Variants in GALNTL6 observed in about 807,000 individuals in gnomAD.
GALNTL6 encodes the protein polypeptide N-acetylgalactosaminyltransferase-like 6.
Under a neutral mutation model 73.7 loss-of-function variants are expected in GALNTL6, and 46 were observed. The ratio of observed to expected loss-of-function variants is 0.62; its 90% CI spans 0.49 to 0.80. The LOEUF is 0.80. GALNTL6 is among the 30% of genes least tolerant of loss of function. The pLI, the probability that GALNTL6 is intolerant of heterozygous loss-of-function variation, is 0.00. For missense variants in GALNTL6, 604 were observed against 755.0 expected (o/e 0.80, Z 2.34); for synonymous variants, 259 against 263.7 (o/e 0.98, Z 0.17).
At chr4:172,295,893 C>T (rs1290338886) in intron 3 of GALNTL6, among the ~76,000 whole-genome samples, 1 of 151,902 alleles carries the variant, frequency 6.6e-6, no homozygotes, top group Non-Finnish European at 1.5e-5. Context: ...GTTTTGTATA[C>T]ACTCGTTATC....
At chr4:171,944,311 C>A (rs1170584218) in intron 2 of GALNTL6, among the ~76,000 whole-genome samples, 1 of 151,894 alleles carries the variant, frequency 6.6e-6, no homozygotes, top group East Asian at 1.9e-4. Context: ...GAAGTTTATT[C>A]CATAAAAATA....
chr4:172,370,380 T>C (rs1441531106), intron 5 of GALNTL6, among the ~76,000 whole-genome samples: 1 of 152,002 alleles, frequency 6.6e-6, no homozygotes, highest in Non-Finnish European at 1.5e-5. Context: ...GTTGCCCAAC[T>C]CCAGAGGTTG....
rs1749312115 is a variant in GALNTL6 at position 172,949,052 on chromosome 4, T to G, written c.1150-2985T>G. 2.6e-5 allele frequency among the ~76,000 whole-genome samples: 4 copies of G among 152,216 alleles called. No homozygotes were observed. The South Asian group carries it at 8.3e-4, about 31-fold the overall frequency. On this transcript the variant is annotated intron_variant, in intron 9 of 12. Coordinates refer to ENST00000506823, the MANE Select transcript of GALNTL6 (RefSeq NM_001034845.3). ...ATAATTGCCATATCTATTTCAAAAA[T>G]CCAAAGCAACAATTTACCATTTAGC...
chr4:172,256,422 A>G (rs1046239116), intron 3 of GALNTL6, among the ~76,000 whole-genome samples: 1 of 151,518 alleles, frequency 6.6e-6, no homozygotes, highest in Non-Finnish European at 1.5e-5. Context: ...AGCTCAAACT[A>G]TGTTAGTTCC....
intron 2 of GALNTL6, among the ~76,000 whole-genome samples, chr4:172,214,444 A>T (rs1242988307): frequency 6.6e-6 from 1 of 151,000 alleles, no homozygotes; most frequent in Non-Finnish European, 1.5e-5. Context: ...CTAGCTTTTG[A>T]CTTAATTGGT....
chr4:172,108,938 A>C (rs542216191), intron 2 of GALNTL6, among the ~76,000 whole-genome samples: 2 of 143,116 alleles, frequency 1.4e-5, no homozygotes, highest in East Asian at 4.7e-4. Flanking sequence ...GCTTGAACCG[A>C]GGAGGCAGAG....
intron 5 of GALNTL6, among the ~76,000 whole-genome samples, chr4:172,623,525 C>T (rs1739043152): frequency 6.6e-6 from 1 of 152,026 alleles, no homozygotes; most frequent in Non-Finnish European, 1.5e-5. Context: ...ATATTAAAGG[C>T]ATCAATCAGA....
chr4:172,177,715 TAGTA>T (rs1188711713), intron 2 of GALNTL6, among the ~76,000 whole-genome samples: 1 of 109,956 alleles, frequency 9.1e-6, no homozygotes, highest in South Asian at 2.5e-4. Context: ...TATGTTTACT[TAGTA>T]TGTGTGTATA....
At chr4:172,590,242 A>G (rs1415065017) in intron 5 of GALNTL6, among the ~76,000 whole-genome samples, 1 of 152,182 alleles carries the variant, frequency 6.6e-6, no homozygotes, top group African/African-American at 2.4e-5. Flanking sequence ...CTGACTTTCA[A>G]TCTAAACCTT....
intron 12 of GALNTL6, among the ~76,000 whole-genome samples, chr4:173,037,124 C>T (rs898172527): frequency 2.0e-5 from 3 of 152,218 alleles, no homozygotes; most frequent in Admixed American, 6.5e-5. Context: ...AGAAGCTTCA[C>T]CTCCGGGACT....
intron 12 of GALNTL6, among the ~76,000 whole-genome samples, chr4:173,034,236 G>T (rs72708785): frequency 0.023 from 3,571 of 152,190 alleles, 71 homozygotes; most frequent in Non-Finnish European, 0.032. Flanking sequence ...GCCTCTGGTG[G>T]TTCTCTCTTA....
At chr4:172,180,942 C>T (rs1325720059) in intron 2 of GALNTL6, among the ~76,000 whole-genome samples, 1 of 152,078 alleles carries the variant, frequency 6.6e-6, no homozygotes, top group African/African-American at 2.4e-5. Flanking sequence ...CTGTTCTTTT[C>T]TTCTCTTTTG....
intron 8 of GALNTL6, among the ~76,000 whole-genome samples, chr4:172,898,841 A>G (rs1004781596): frequency 7.9e-5 from 12 of 152,248 alleles, no homozygotes; most frequent in African/African-American, 2.7e-4. Flanking sequence ...TCAAATCAGT[A>G]GTCAGACAGC....
At chr4:172,401,093 C>T (rs1475065263) in intron 5 of GALNTL6, among the ~76,000 whole-genome samples, 1 of 152,082 alleles carries the variant, frequency 6.6e-6, no homozygotes, top group Non-Finnish European at 1.5e-5. Flanking sequence ...TAATTCTCTT[C>T]TCCTTTTGCA....
chr4:173,020,064 G>C (rs571791101), intron 11 of GALNTL6, among the ~76,000 whole-genome samples: 14 of 152,318 alleles, frequency 9.2e-5, no homozygotes, highest in Non-Finnish European at 1.8e-4. Flanking sequence ...CCAGCCTGCC[G>C]TAAGTCCTAT....
rs571501078 is a variant in GALNTL6, at chr4:172,975,968, TG to T, written c.1371+23713del. ...GGATGCACAGGTCCACAGCTACAAC[TG>T]GGTTGCTGCAGCTGCGCCAGGGAGG... On this transcript the variant is annotated intron_variant, in intron 10 of 12. Coordinates refer to ENST00000506823, the MANE Select transcript of GALNTL6 (RefSeq NM_001034845.3). Among the ~76,000 whole-genome samples the T allele has an allele frequency of 5.6e-3, 859 of 152,212 alleles. 4 individuals carry two copies. Among genetic ancestry groups the T allele is most frequent in the Middle Eastern group, 0.017 (5 of 292 alleles).
intron 5 of GALNTL6, among the ~76,000 whole-genome samples, chr4:172,639,943 T>G (rs1257675090): frequency 6.6e-6 from 1 of 152,096 alleles, no homozygotes; most frequent in African/African-American, 2.4e-5. Context: ...ACAGCTTACA[T>G]TTTATTATTC....
At chr4:172,701,746 C>T (rs1275494144) in intron 5 of GALNTL6, among the ~76,000 whole-genome samples, 3 of 151,856 alleles carry the variant, frequency 2.0e-5, no homozygotes, top group East Asian at 1.9e-4. Context: ...GGGTTCAGTA[C>T]CTTTATAGTT....
At chr4:172,418,666 C>T (rs1194793137) in intron 5 of GALNTL6, among the ~76,000 whole-genome samples, 1 of 152,080 alleles carries the variant, frequency 6.6e-6, no homozygotes, top group Admixed American at 6.6e-5. Flanking sequence ...TTTGTTATAC[C>T]GTGTCATTGT....
Sources: gnomAD v4.1 joint callset for allele counts (sites outside exome capture counted in the v4.1 genomes callset) on GRCh38, gnomAD v4.1.1 for gene constraint, MANE v1.5 for transcripts, NCBI Gene and HGNC (gene_info 2026-07-23, HGNC 2026-07-21) for gene names.